Variants in ARHGAP10 observed in about 807,000 individuals in gnomAD.
ARHGAP10 encodes Rho GTPase activating protein 10, also known as rho GTPase-activating protein 10.
In ARHGAP10, 87 loss-of-function variants were observed where a neutral mutation model predicts 108.6. The ratio of observed to expected loss-of-function variants is 0.80; its 90% CI spans 0.67 to 0.96. The LOEUF (loss-of-function observed/expected upper bound fraction) is 0.96, where lower values mean the gene tolerates loss of function less well. Among genes scored for constraint, ARHGAP10 ranks in the 40% least tolerant of loss-of-function variants. ARHGAP10 has a pLI of 0.00. For synonymous variants in ARHGAP10, 347 were observed against 341.1 expected, an observed-to-expected ratio of 1.02 and a Z score of -0.19; for missense variants, 939 against 954.5, an observed-to-expected ratio of 0.98 and a Z score of 0.21.
At chr4:147,981,654 T>C (rs1208579867) in intron 18 of ARHGAP10, among the ~76,000 whole-genome samples, 3 of 152,252 alleles carry the variant, frequency 2.0e-5, no homozygotes, top group African/African-American at 7.2e-5. Flanking sequence ...CAGTGAAGTG[T>C]TGAAGTCTCC....
At chr4:148,016,465 T>G (rs1365426131) in intron 18 of ARHGAP10, among the ~76,000 whole-genome samples, 3 of 152,112 alleles carry the variant, frequency 2.0e-5, no homozygotes, top group African/African-American at 7.2e-5. Flanking sequence ...ATTGTGCCAC[T>G]GCGCTCTATC....
chr4:147,849,960 C>T (rs1011476961), intron 4 of ARHGAP10, among the ~76,000 whole-genome samples: 2 of 152,140 alleles, frequency 1.3e-5, no homozygotes, highest in African/African-American at 2.4e-5. Context: ...GCTTCTGGGT[C>T]GGGTGGGGAC....
At chr4:148,064,313 A>C (rs748684111) in intron 21 of ARHGAP10, 103 bp from the exon 22 acceptor site, 1 of 844,082 alleles carries the variant, frequency 1.2e-6, no homozygotes, top group Non-Finnish European at 1.9e-6. Flanking sequence ...GAGTTGCCCT[A>C]CTGGTGACAT....
chr4:148,060,344 AGTTTTTTT>A (rs1729559618), intron 20 of ARHGAP10, among the ~76,000 whole-genome samples: 2 of 120,844 alleles, frequency 1.7e-5, no homozygotes, highest in South Asian at 2.7e-4. Context: ...GCTCATGTTT[AGTTTTTTT>A]TTTTTTTTTT....
At chr4:147,816,228 G>C (rs973331994) in intron 1 of ARHGAP10, among the ~76,000 whole-genome samples, 1 of 152,140 alleles carries the variant, frequency 6.6e-6, no homozygotes, top group Non-Finnish European at 1.5e-5. Context: ...AGGCTGGATG[G>C]TGGTCTCCAG....
intron 5 of ARHGAP10, chr4:147,863,209 C>G (rs1382944371): frequency 6.6e-6 from 1 of 152,164 alleles, no homozygotes; most frequent in Non-Finnish European, 1.5e-5. Flanking sequence ...TTTAAAAAAT[C>G]TTCCCAGACT....
At chr4:147,891,905 A>G (rs564800298) in intron 10 of ARHGAP10, among the ~76,000 whole-genome samples, 139 of 152,102 alleles carry the variant, frequency 9.1e-4, no homozygotes, top group African/African-American at 3.1e-3. Context: ...GTGTTATATA[A>G]CATGCTGTTA....
chr4:147,898,989 T>A (rs1238902444), intron 10 of ARHGAP10, among the ~76,000 whole-genome samples: 4 of 152,170 alleles, frequency 2.6e-5, no homozygotes, highest in Non-Finnish European at 5.9e-5. Context: ...GGGATTACAA[T>A]TCGAGAAACC....
chr4:147,952,672 C>A (rs1371050853), intron 15 of ARHGAP10, among the ~76,000 whole-genome samples: 1 of 151,950 alleles, frequency 6.6e-6, no homozygotes, highest in East Asian at 1.9e-4. Flanking sequence ...TTCTTAGATA[C>A]CTGCTTTACA....
chr4:148,056,867 G>A (rs1359766016), intron 20 of ARHGAP10, among the ~76,000 whole-genome samples: 1 of 152,192 alleles, frequency 6.6e-6, no homozygotes, highest in Non-Finnish European at 1.5e-5. Flanking sequence ...TCAGAGGTAA[G>A]ATCTGACCTA....
At chr4:147,733,512 C>T (rs1371202566) in intron 1 of ARHGAP10, among the ~76,000 whole-genome samples, 1 of 152,170 alleles carries the variant, frequency 6.6e-6, no homozygotes, top group African/African-American at 2.4e-5. Context: ...CATCACTCAC[C>T]TAGATTCTCA....
rs766802222 is a variant in ARHGAP10, at chr4:148,023,346, G to A, written c.1800G>A (p.Ser600=). 4.3e-6 allele frequency: 7 copies of A among 1,614,164 alleles called. No homozygotes were observed. The highest frequency in any genetic ancestry group is 1.1e-5 in the South Asian group (1 of 91,080). ...ASPPNAPPRQ[S]KRQGQRTKRP... Reference sequence around the variant, plus strand: ...CCCCAAATGCGCCACCAAGGCAGTCGAAGAGACAAGGCCAGAGAACCAAGA... The same window carrying A: ...CCCCAAATGCGCCACCAAGGCAGTCAAAGAGACAAGGCCAGAGAACCAAGA... Residue 600 remains serine (S), a synonymous_variant, in exon 19 of 23, where the codon TCG becomes TCA. Coordinates refer to ENST00000336498, the MANE Select transcript of ARHGAP10 (RefSeq NM_024605.4).
chr4:147,845,809 G>A (rs1733606865), intron 3 of ARHGAP10, among the ~76,000 whole-genome samples: 1 of 152,184 alleles, frequency 6.6e-6, no homozygotes, highest in African/African-American at 2.4e-5. Flanking sequence ...TTCATGCACT[G>A]TGAAAACGTA....
chr4:147,904,745 C>T (rs1297516447), intron 10 of ARHGAP10, among the ~76,000 whole-genome samples: 1 of 152,098 alleles, frequency 6.6e-6, no homozygotes, highest in Non-Finnish European at 1.5e-5. Context: ...GGGTATATAC[C>T]CAGTAATGGG....
chr4:147,789,952 G>A (rs1731051876), intron 1 of ARHGAP10, among the ~76,000 whole-genome samples: 1 of 151,294 alleles, frequency 6.6e-6, no homozygotes, highest in African/African-American at 2.4e-5. Flanking sequence ...AATTAAGAAG[G>A]TGTGTTCGTA....
At chr4:147,797,601 C>T (rs916466499) in intron 1 of ARHGAP10, among the ~76,000 whole-genome samples, 1 of 151,968 alleles carries the variant, frequency 6.6e-6, no homozygotes. Context: ...TTAGTAGAGA[C>T]GGGGTTTCAC....
chr4:147,947,660 CCCAAAGTCCT>C (rs1335774054), intron 15 of ARHGAP10, among the ~76,000 whole-genome samples: 1 of 151,804 alleles, frequency 6.6e-6, no homozygotes, highest in Non-Finnish European at 1.5e-5. Context: ...CCTTTGGCCT[CCCAAAGTCCT>C]GGGATTACAG....
At chr4:147,976,388 C>G (rs1739595668) in intron 18 of ARHGAP10, among the ~76,000 whole-genome samples, 1 of 152,214 alleles carries the variant, frequency 6.6e-6, no homozygotes, top group Non-Finnish European at 1.5e-5. Flanking sequence ...TTTCTAAAAG[C>G]TTTGTGTCTG....
rs557987325 is a variant in ARHGAP10 at position 147,939,081 on chromosome 4, A to G, written c.1229-744A>G. 5.3e-5 allele frequency among the ~76,000 whole-genome samples: 8 copies of G among 152,290 alleles called. No individual in the cohort carries two copies. In the South Asian group the frequency reaches 1.2e-3, roughly 24 times the overall value. On this transcript the variant is annotated intron_variant, in intron 13 of 22. Coordinates refer to ENST00000336498, the MANE Select transcript of ARHGAP10 (RefSeq NM_024605.4). The stretch of plus-strand genomic sequence containing the variant: ...ACAAATGGAGATTTTCTTACCCTTA[A>G]TGCTACTCAGTTTGCTAATTGCATC...
Sources: gnomAD v4.1 joint callset for allele counts (sites outside exome capture counted in the v4.1 genomes callset) on GRCh38, gnomAD v4.1.1 for gene constraint, MANE v1.5 for transcripts, NCBI Gene and HGNC (gene_info 2026-07-23, HGNC 2026-07-21) for gene names.